AMBRA1: variants seen among roughly 807,000 people sequenced by gnomAD.
The protein encoded by AMBRA1 is autophagy and beclin 1 regulator 1, also known as activating molecule in BECN1-regulated autophagy protein 1.
Under a neutral mutation model 125.4 loss-of-function variants are expected in AMBRA1, and 47 were observed. That is an observed-to-expected ratio of 0.37 (90% confidence interval 0.30 to 0.48). The LOEUF is 0.48. AMBRA1 is among the 20% of genes least tolerant of loss of function. The pLI is 0.99. For synonymous variants in AMBRA1, 626 were observed against 655.5 expected (o/e 0.95, Z 0.69); for missense variants, 1,331 against 1,693.4 (o/e 0.79, Z 3.76).
At chr11:46,524,652 A>C (rs1951892563) in intron 7 of AMBRA1, among the ~76,000 whole-genome samples, 1 of 152,244 alleles carries the variant, frequency 6.6e-6, no homozygotes, top group African/African-American at 2.4e-5. Flanking sequence ...TATGATTAAG[A>C]ACCTGTGTCA....
intron 7 of AMBRA1, among the ~76,000 whole-genome samples, chr11:46,515,439 C>T (rs1162928942): frequency 6.6e-6 from 1 of 152,086 alleles, no homozygotes; most frequent in Admixed American, 6.5e-5. Flanking sequence ...CACTACTGCA[C>T]TCCAGACTGG....
rs1438268602 is a variant in AMBRA1 at position 46,542,936 on chromosome 11, C to A, written c.1081G>T (p.Asp361Tyr). The A allele has an allele frequency of 6.2e-7, 1 of 1,609,890 alleles. No homozygotes were observed. The highest frequency in any genetic ancestry group is 1.3e-5 in the African/African-American group (1 of 74,886). Residue 361 changes from aspartate (D) to tyrosine (Y), a missense_variant, in exon 7 of 18, where the codon GAC (aspartate) becomes TAC (tyrosine). Transcript: ENST00000683756. The surrounding 1 kb of genome is among the most constrained non-coding windows in gnomAD (Gnocchi z 5.9). Reference protein sequence around the residue: ...PPEQASSTQQDQGLLNRPSAF... With the variant: ...PPEQASSTQQYQGLLNRPSAF... ...GACGGCCGGTTCAGGAGGCCCTGGT[C>A]CTGCTGCGTTGACGAGGCCTGCTCC...
At chr11:46,430,197 G>A (rs1947383637) in intron 14 of AMBRA1, among the ~76,000 whole-genome samples, 1 of 152,196 alleles carries the variant, frequency 6.6e-6, no homozygotes, top group Non-Finnish European at 1.5e-5. Context: ...AGCAGCAACA[G>A]CCTAGAAAAG....
chr11:46,549,332 T>C (rs2042919206), intron 1 of AMBRA1, among the ~76,000 whole-genome samples: 1 of 152,212 alleles, frequency 6.6e-6, no homozygotes, highest in Non-Finnish European at 1.5e-5. Context: ...AGCTCCACTA[T>C]GAATGTTTTA....
At chr11:46,444,997 C>G (rs79913909) in intron 11 of AMBRA1, among the ~76,000 whole-genome samples, 3 of 149,060 alleles carry the variant, frequency 2.0e-5, no homozygotes, top group Non-Finnish European at 4.4e-5. Flanking sequence ...ACTTCTAGAT[C>G]ATGCATTCTC....
intron 11 of AMBRA1, among the ~76,000 whole-genome samples, chr11:46,478,109 C>T (rs2136908473): frequency 6.6e-6 from 1 of 152,036 alleles, no homozygotes; most frequent in South Asian, 2.1e-4. Context: ...ACATTTGGTC[C>T]CCATAAAATA....
chr11:46,556,763 C>T (rs1270383808), intron 1 of AMBRA1, among the ~76,000 whole-genome samples: 3 of 152,100 alleles, frequency 2.0e-5, no homozygotes, highest in African/African-American at 7.2e-5. Flanking sequence ...AGGGCTACCA[C>T]AAGGATCAAA....
intron 11 of AMBRA1, among the ~76,000 whole-genome samples, 169 bp from the exon 12 acceptor site, chr11:46,443,767 C>T (rs1454528352): frequency 6.6e-6 from 1 of 152,164 alleles, no homozygotes; most frequent in Non-Finnish European, 1.5e-5. Flanking sequence ...CAAAGAAAAA[C>T]CAGGCATGTT....
intron 11 of AMBRA1, among the ~76,000 whole-genome samples, chr11:46,491,617 A>G (rs1415817445): frequency 6.6e-6 from 1 of 152,220 alleles, no homozygotes; most frequent in Non-Finnish European, 1.5e-5. Context: ...ATTTTGAAAA[A>G]TTGGTAGAAA....
chr11:46,454,435 C>CA (rs1156323232), intron 11 of AMBRA1, among the ~76,000 whole-genome samples: 1 of 149,704 alleles, frequency 6.7e-6, no homozygotes, highest in African/African-American at 2.4e-5. Flanking sequence ...TATAACAGGT[C>CA]AAAAAAGAAA....
At chr11:46,502,353 C>T (rs1330508999) in intron 9 of AMBRA1, among the ~76,000 whole-genome samples, 3 of 152,212 alleles carry the variant, frequency 2.0e-5, no homozygotes, top group Admixed American at 6.5e-5. Context: ...AGTAACTTTA[C>T]AGTGTGTTTC....
intron 12 of AMBRA1, among the ~76,000 whole-genome samples, chr11:46,439,277 AAATAAT>A (rs1253303833): frequency 6.6e-6 from 1 of 152,188 alleles, no homozygotes; most frequent in Non-Finnish European, 1.5e-5. Flanking sequence ...CTGTGTCTAA[AAATAAT>A]AATAAGTAAA....
At chr11:46,557,165 G>A (rs1322572432) in intron 1 of AMBRA1, among the ~76,000 whole-genome samples, 1 of 151,324 alleles carries the variant, frequency 6.6e-6, no homozygotes, top group Non-Finnish European at 1.5e-5. Context: ...GCCAGGCATG[G>A]TGACATGTGC....
At chr11:46,502,097 T>A (rs1950862953) in intron 9 of AMBRA1, among the ~76,000 whole-genome samples, 1 of 152,156 alleles carries the variant, frequency 6.6e-6, no homozygotes, top group South Asian at 2.1e-4. Flanking sequence ...TTTGTTTTAA[T>A]TTTTTATGAA....
intron 7 of AMBRA1, among the ~76,000 whole-genome samples, chr11:46,535,421 A>G (rs1159492989): frequency 6.6e-6 from 1 of 152,232 alleles, no homozygotes; most frequent in East Asian, 1.9e-4. Context: ...CATGATGCTC[A>G]GACTCCAAAA....
intron 7 of AMBRA1, among the ~76,000 whole-genome samples, chr11:46,517,766 G>A (rs1039844083): frequency 2.0e-5 from 3 of 149,516 alleles, no homozygotes; most frequent in African/African-American, 7.4e-5. Flanking sequence ...GGGAGGCAGA[G>A]GTTGCAGTGA....
At position 46,543,013 on chromosome 11, in the gene AMBRA1, C is replaced by T. The variant is rs1479212734; in HGVS notation, c.1004G>A (p.Arg335Lys). 3 of 1,599,852 alleles carry T rather than the reference C, an allele frequency of 1.9e-6. No individual in the cohort carries two copies. Among genetic ancestry groups the T allele is most frequent in the East Asian group, 4.5e-5 (2 of 44,884 alleles). ...HQDSVPPASARATTPSFSFVQ... is the reference protein window; with the variant it reads ...HQDSVPPASAKATTPSFSFVQ... ...AAAAGAAAAGGAAGGGGTAGTAGCT[C>T]TGGCAGAAGCAGGGGGGACACTGTC... The change falls in exon 7 of 18, where the codon AGA (arginine) becomes AAA (lysine). Residue 335 changes from arginine to lysine, a missense_variant. This residue lies in a region of AMBRA1 where 689 missense variants were observed against 776.5 expected (regional missense o/e 0.89). Transcript: ENST00000683756.
At chr11:46,524,592 T>C (rs761174676) in intron 7 of AMBRA1, among the ~76,000 whole-genome samples, 7 of 152,246 alleles carry the variant, frequency 4.6e-5, no homozygotes, top group Non-Finnish European at 7.3e-5. Flanking sequence ...GCAAGTTCAT[T>C]ATCCTCTGCT....
intron 9 of AMBRA1, among the ~76,000 whole-genome samples, chr11:46,506,556 C>G (rs1951041490): frequency 6.6e-6 from 1 of 152,152 alleles, no homozygotes; most frequent in Non-Finnish European, 1.5e-5. Context: ...AGGAAGAAAG[C>G]TGAGGGGGAG....
Sources: allele counts gnomAD v4.1 joint callset (sites outside exome capture counted in the v4.1 genomes callset), GRCh38; gene constraint gnomAD v4.1.1; regional missense constraint gnomAD v4.1.1; non-coding constraint Gnocchi (gnomAD v3.1); transcripts MANE v1.5; gene names NCBI Gene and HGNC (gene_info 2026-07-23, HGNC 2026-07-21).